Variants in KIAA1217 observed in about 807,000 individuals in gnomAD.
KIAA1217 encodes sickle tail protein homolog.
A neutral mutation model predicts 163.9 loss-of-function variants in KIAA1217; 88 were observed. That is an observed-to-expected ratio of 0.54 (90% CI 0.45 to 0.64). The LOEUF is 0.64. Among genes scored for constraint, KIAA1217 ranks in the 30% least tolerant of loss-of-function variants. The pLI, the probability that KIAA1217 is intolerant of heterozygous loss-of-function variation, is 0.00. For synonymous variants in KIAA1217, 903 were observed against 923.1 expected, an observed-to-expected ratio of 0.98 and a Z score of 0.39; for missense variants, 2,372 against 2,475.0, an observed-to-expected ratio of 0.96 and a Z score of 0.88.
intron 5 of KIAA1217, among the ~76,000 whole-genome samples, chr10:24,441,206 A>G (rs2060472541): frequency 6.6e-6 from 1 of 152,224 alleles, no homozygotes. Flanking sequence ...CACATGAGTC[A>G]GTCACTGCAG....
At chr10:24,038,067 G>A (rs900886282) in intron 2 of KIAA1217, among the ~76,000 whole-genome samples, 4 of 152,074 alleles carry the variant, frequency 2.6e-5, no homozygotes, top group Non-Finnish European at 5.9e-5. Context: ...TTTTTGTAAG[G>A]GTTTTTTGTT....
intron 1 of KIAA1217, among the ~76,000 whole-genome samples, chr10:23,866,945 C>T (rs537593884): frequency 6.7e-6 from 1 of 150,336 alleles, no homozygotes; most frequent in Non-Finnish European, 1.5e-5. Flanking sequence ...GTGTGCTGCA[C>T]CCATTAACTC....
At chr10:23,934,088 A>G (rs932646689) in intron 1 of KIAA1217, among the ~76,000 whole-genome samples, 3 of 152,178 alleles carry the variant, frequency 2.0e-5, no homozygotes, top group Non-Finnish European at 4.4e-5. Context: ...CAGATGCTGC[A>G]TATGTTTACT....
intron 2 of KIAA1217, among the ~76,000 whole-genome samples, chr10:24,325,831 A>G (rs1380126027): frequency 6.6e-6 from 1 of 152,144 alleles, no homozygotes; most frequent in Non-Finnish European, 1.5e-5. Context: ...ATAATTTGCC[A>G]TTTTCTCTCC....
intron 4 of KIAA1217, among the ~76,000 whole-genome samples, chr10:24,434,708 A>G (rs985580569): frequency 6.6e-6 from 1 of 152,144 alleles, no homozygotes; most frequent in Non-Finnish European, 1.5e-5. Context: ...TTCCAACCAA[A>G]CAACCTGGAA....
chr10:24,255,546 A>G (rs1216738865), intron 2 of KIAA1217: 2 of 455,864 alleles, frequency 4.4e-6, no homozygotes, highest in Admixed American at 4.7e-5. Context: ...GAAAGGAGGC[A>G]TCACATGTTT....
intron 1 of KIAA1217, among the ~76,000 whole-genome samples, chr10:23,834,766 C>G (rs1838369465): frequency 6.6e-6 from 1 of 152,132 alleles, no homozygotes; most frequent in African/African-American, 2.4e-5. Context: ...TCAAGGACAA[C>G]TCCAATAATT....
At chr10:23,811,522 C>G (rs1180510175) in intron 1 of KIAA1217, among the ~76,000 whole-genome samples, 1 of 151,506 alleles carries the variant, frequency 6.6e-6, no homozygotes, top group Non-Finnish European at 1.5e-5. Flanking sequence ...TTTCTTTAGT[C>G]AAGTGTATTT....
At chr10:24,132,391 C>T (rs2063686636) in intron 2 of KIAA1217, among the ~76,000 whole-genome samples, 1 of 152,204 alleles carries the variant, frequency 6.6e-6, no homozygotes, top group South Asian at 2.1e-4. Flanking sequence ...ATGCCAGTCG[C>T]TGTAAGAAAA....
chr10:23,822,190 T>C (rs916099088), intron 1 of KIAA1217, among the ~76,000 whole-genome samples: 6 of 152,188 alleles, frequency 3.9e-5, no homozygotes, highest in Non-Finnish European at 7.3e-5. Flanking sequence ...CTTTAGTTTG[T>C]AACAGACTCC....
chr10:23,973,165 G>A (rs137881195), intron 1 of KIAA1217, among the ~76,000 whole-genome samples: 196 of 106,900 alleles, frequency 1.8e-3, no homozygotes, highest in African/African-American at 0.01. Flanking sequence ...AGCTAATACT[G>A]ATGAATTTAA....
chr10:24,230,155 C>T (rs1401313302), intron 2 of KIAA1217, among the ~76,000 whole-genome samples: 5 of 151,968 alleles, frequency 3.3e-5, no homozygotes, highest in South Asian at 4.1e-4. Context: ...GTAAGGAGAA[C>T]GTATTATTTG....
chr10:24,134,220 A>G (rs1589622838), intron 2 of KIAA1217, among the ~76,000 whole-genome samples: 1 of 152,214 alleles, frequency 6.6e-6, no homozygotes, highest in South Asian at 2.1e-4. Context: ...GGGATGGGCT[A>G]GTGGAGGAGA....
At chr10:24,051,442 A>G (rs1223574192) in intron 2 of KIAA1217, among the ~76,000 whole-genome samples, 1 of 152,208 alleles carries the variant, frequency 6.6e-6, no homozygotes, top group Non-Finnish European at 1.5e-5. Flanking sequence ...TTGCTAGATC[A>G]AACGATAGTT....
In KIAA1217 at chr10:24,448,245, G is replaced by A. The variant is rs555983701; in HGVS notation, c.846+9766G>A. 1.7e-3 allele frequency among the ~76,000 whole-genome samples: 247 copies of A among 146,108 alleles called. 1 individual carries two copies. The highest frequency in any genetic ancestry group is 5.8e-3 in the African/African-American group (232 of 40,294). On this transcript the variant is annotated intron_variant, in intron 5 of 20. Coordinates refer to ENST00000376454, the MANE Select transcript of KIAA1217 (RefSeq NM_019590.5). ...ACACAGTTATCTAACCTTTTTTTGCGTGGGGGGGGCTGGAGTTTTCAGGAG... is the reference window on the plus strand; with the variant it reads ...ACACAGTTATCTAACCTTTTTTTGCATGGGGGGGGCTGGAGTTTTCAGGAG...
chr10:23,967,096 C>T (rs1025737965), intron 1 of KIAA1217, among the ~76,000 whole-genome samples: 1 of 151,834 alleles, frequency 6.6e-6, no homozygotes, highest in African/African-American at 2.4e-5. Context: ...AAGACCCTCC[C>T]CTTTTAAACA....
At position 24,314,530 on chromosome 10, in the gene KIAA1217, G is replaced by A. The variant is rs149437152; in HGVS notation, c.355-66339G>A. ...ACGCATGTTATAACTGTAGAAAACA[G>A]GCAGGGGAGCCTGTGATTTGCCTTG... is the stretch of plus-strand genomic sequence containing the variant. On this transcript the variant is annotated intron_variant, in intron 2 of 20. Transcript: ENST00000376454. Among the ~76,000 whole-genome samples, 33 of 152,308 alleles carry A rather than the reference G, an allele frequency of 2.2e-4. No homozygotes were observed. The East Asian group carries it at 3.9e-3, about 18-fold the overall frequency.
chr10:23,902,619 G>C (rs1409778227), intron 1 of KIAA1217, among the ~76,000 whole-genome samples: 1 of 152,126 alleles, frequency 6.6e-6, no homozygotes, highest in Non-Finnish European at 1.5e-5. Context: ...TGGCAGGCAA[G>C]GCTGTCTGTA....
chr10:23,707,708 A>T (rs1007100252), intron 1 of KIAA1217, among the ~76,000 whole-genome samples: 30 of 152,256 alleles, frequency 2.0e-4, no homozygotes, highest in African/African-American at 7.2e-4. Context: ...AGAAAACTGC[A>T]TTTGTACCTC....
Sources: allele counts gnomAD v4.1 joint callset (sites outside exome capture counted in the v4.1 genomes callset), GRCh38; gene constraint gnomAD v4.1.1; transcripts MANE v1.5; gene names NCBI Gene and HGNC (gene_info 2026-07-23, HGNC 2026-07-21).